SMG1: variants seen among roughly 807,000 people sequenced by gnomAD.
SMG1 encodes the protein serine/threonine-protein kinase SMG1.
Under a neutral mutation model 419.9 loss-of-function variants are expected in SMG1, and 22 were observed. The ratio of observed to expected loss-of-function variants is 0.05; its 90% CI spans 0.04 to 0.07. The LOEUF (loss-of-function observed/expected upper bound fraction) is 0.07, where lower values mean the gene tolerates loss of function less well. SMG1 is among the 10% of genes least tolerant of loss of function. The pLI is 1.00. For synonymous variants in SMG1, 1,538 were observed against 1,553.5 expected, an observed-to-expected ratio of 0.99 and a Z score of 0.23; for missense variants, 3,185 against 4,342.0, an observed-to-expected ratio of 0.73 and a Z score of 7.49.
At chr16:18,895,353 C>A (rs955614841) in intron 3 of SMG1, among the ~76,000 whole-genome samples, 1 of 152,004 alleles carries the variant, frequency 6.6e-6, no homozygotes, top group African/African-American at 2.4e-5. Flanking sequence ...GTGGCATGCA[C>A]CTGTAACCCC....
At chr16:18,925,067 CCAAA>C (rs1244301107) in intron 1 of SMG1, 4 of 152,232 alleles carry the variant, frequency 2.6e-5, no homozygotes, top group East Asian at 3.9e-4. Flanking sequence ...GGGTTAAATT[CCAAA>C]CAGACTCTGA....
intron 42 of SMG1, 44 bp downstream of exon 42, chr16:18,839,654 A>T: frequency 6.2e-7 from 1 of 1,602,978 alleles, no homozygotes; most frequent in East Asian, 2.2e-5. Context: ...GTAGCAGGCA[A>T]AAGAAATACT....
chr16:18,910,532 T>C (rs1439261338), intron 1 of SMG1, among the ~76,000 whole-genome samples: 1 of 151,714 alleles, frequency 6.6e-6, no homozygotes, highest in Non-Finnish European at 1.5e-5. Flanking sequence ...GCCCAGCCAA[T>C]TTTTTTATTT....
At chr16:18,831,339 GCTT>G (rs1230747650) in intron 51 of SMG1, among the ~76,000 whole-genome samples, 1 of 152,102 alleles carries the variant, frequency 6.6e-6, no homozygotes, top group African/African-American at 2.4e-5. Context: ...CCCAAAAAAA[GCTT>G]CTCTGAAACA....
rs765836190 is a variant in SMG1, at chr16:18,807,493, T to A, written c.*2076A>T. The stretch of plus-strand genomic sequence containing the variant: ...TGCGCTAGGTTCCTTAACTTGCTAT[T>A]GGACACATGGGTATTTCAAAAAAAT... On this transcript the variant is annotated 3_prime_UTR_variant, in exon 63 of 63. Transcript: ENST00000446231. The A allele has an allele frequency of 2.0e-5, 3 of 152,186 alleles. No homozygotes were observed. Among genetic ancestry groups the A allele is most frequent in the Non-Finnish European group, 4.4e-5 (3 of 68,024 alleles). The allele number at this position is 152,186 out of a possible 1,614,324, so 9.4% of individuals were successfully genotyped here.
chr16:18,872,144 A>G (rs2035856232), intron 15 of SMG1, 40 bp downstream of exon 15: 4 of 1,209,646 alleles, frequency 3.3e-6, no homozygotes, highest in Non-Finnish European at 4.5e-6. Context: ...AGGCAAATTA[A>G]CAAAGTTAGG....
At chr16:18,886,621 G>A (rs958770922) in intron 6 of SMG1, among the ~76,000 whole-genome samples, 4 of 152,104 alleles carry the variant, frequency 2.6e-5, no homozygotes, top group African/African-American at 9.7e-5. Flanking sequence ...TGGCCAGCAT[G>A]ATGAACTCCG....
Position 18,850,003 on chromosome 16 carries a change from G to C in SMG1, c.5407C>G (p.Leu1803Val), listed in dbSNP as rs770657579. The C allele has an allele frequency of 6.2e-7, 1 of 1,613,988 alleles. No individual in the cohort carries two copies. Among genetic ancestry groups the C allele is most frequent in the Admixed American group, 1.7e-5 (1 of 60,020 alleles). The change falls in exon 35 of 63, where the codon CTT (leucine) becomes GTT (valine). Residue 1803 changes from leucine to valine, a missense_variant. This residue lies in a region of SMG1 where 493 missense variants were observed against 552.9 expected (regional missense o/e 0.89). Transcript: ENST00000446231. ...LRLLVKHAGE[L>V]RQYLEHGLET... Reference sequence around the variant, plus strand: ...AAGCCGTGCTCCAGATACTGCCGAAGCTCACCAGCATGCTTCACGAGCAAC... The same window carrying C: ...AAGCCGTGCTCCAGATACTGCCGAACCTCACCAGCATGCTTCACGAGCAAC...
chr16:18,915,597 C>T (rs2037938187), intron 1 of SMG1, among the ~76,000 whole-genome samples: 1 of 151,976 alleles, frequency 6.6e-6, no homozygotes, highest in South Asian at 2.1e-4. Context: ...CAGATCCATG[C>T]ACATATGCAG....
intron 1 of SMG1, among the ~76,000 whole-genome samples, chr16:18,906,498 T>TGGGGA (rs1272279315): frequency 1.3e-5 from 2 of 151,888 alleles, no homozygotes; most frequent in Non-Finnish European, 2.9e-5. Context: ...CGGGGTGGGG[T>TGGGGA]GGGGAAGATA....
At chr16:18,881,481 A>G (rs990194706) in intron 10 of SMG1, among the ~76,000 whole-genome samples, 6 of 152,230 alleles carry the variant, frequency 3.9e-5, no homozygotes, top group Non-Finnish European at 8.8e-5. Context: ...GCAAAAGTAT[A>G]TGCTCCTAAA....
chr16:18,847,694 G>T, intron 37 of SMG1, 87 bp from the exon 38 acceptor site: 1 of 1,578,110 alleles, frequency 6.3e-7, no homozygotes. Context: ...AGTTAAGTGT[G>T]TGCAATTGGT....
chr16:18,845,393 T>C lies in SMG1; in HGVS notation c.6219+36A>G, dbSNP rs992593721. ...TTCGTATCTCATGGGAACTGTGATG[T>C]GCCATTTCAGTAGCATGCTTGGGAT... On this transcript the variant is annotated intron_variant, in intron 39 of 62. Coordinates refer to ENST00000446231, the MANE Select transcript of SMG1 (RefSeq NM_015092.5). 4 of 1,545,900 alleles carry C rather than the reference T, an allele frequency of 2.6e-6. No individual in the cohort carries two copies. The African/African-American group carries it at 4.1e-5, about 16-fold the overall frequency.
chr16:18,845,524 C>A lies in SMG1; in HGVS notation c.6124G>T (p.Asp2042Tyr), dbSNP rs1219427917. Residue 2042 changes from aspartate (D) to tyrosine (Y), a missense_variant, in exon 39 of 63, where the codon GAT becomes TAT. By Grantham distance (160) the Asp-to-Tyr change is radical. This residue lies in a region of SMG1 where 159 missense variants were observed against 196.0 expected (regional missense o/e 0.81). Coordinates refer to ENST00000446231, the MANE Select transcript of SMG1 (RefSeq NM_015092.5). ...AETPHEKWFQ[D>Y]NYGDAIENAL... ...TTTTCAATGGCATCACCATAGTTAT[C>A]CTGAAACCATTTTTCATGAGGTGTT... 1 of 1,613,864 alleles carries A rather than the reference C, an allele frequency of 6.2e-7. No homozygotes were observed. Among genetic ancestry groups the A allele is most frequent in the Non-Finnish European group, 8.5e-7 (1 of 1,179,872 alleles).
chr16:18,834,250 G>A lies in SMG1; in HGVS notation c.8519C>T (p.Ala2840Val), dbSNP rs374536223. 108 of 1,608,332 alleles carry A rather than the reference G, an allele frequency of 6.7e-5. No individual in the cohort carries two copies. The African/African-American group carries it at 1.3e-3, about 20-fold the overall frequency. The change falls in exon 50 of 63, where the codon GCG becomes GTG. Residue 2840 changes from alanine to valine, a missense_variant. This residue lies in a region of SMG1 where 412 missense variants were observed against 546.6 expected (regional missense o/e 0.75). Coordinates refer to ENST00000446231, the MANE Select transcript of SMG1 (RefSeq NM_015092.5). ...QDLDIPNPMEASETVHLANGV... is the reference protein window; with the variant it reads ...QDLDIPNPMEVSETVHLANGV... ...ATTGGCTAAGTGAACTGTCTCAGAC[G>A]CTTCCATGGGGTTCGGGATATCTAA...
intron 13 of SMG1, chr16:18,875,587 A>G (rs540682802): frequency 0.011 from 1,608 of 151,268 alleles, 13 homozygotes; most frequent in Middle Eastern, 0.017. Flanking sequence ...GTAAAACCCC[A>G]TCTCCAAAAA....
At chr16:18,909,976 A>C (rs2037727614) in intron 1 of SMG1, among the ~76,000 whole-genome samples, 2 of 151,828 alleles carry the variant, frequency 1.3e-5, no homozygotes, top group Non-Finnish European at 2.9e-5. Flanking sequence ...ATTTAAAAGA[A>C]GTAACTTTTA....
chr16:18,826,803 G>A (rs1379708465), intron 55 of SMG1, among the ~76,000 whole-genome samples: 2 of 32,578 alleles, frequency 6.1e-5, no homozygotes, highest in Non-Finnish European at 1.5e-4. Flanking sequence ...CGAGCTTCCC[G>A]GCTGCTTTGT....
intron 62 of SMG1, among the ~76,000 whole-genome samples, chr16:18,811,380 C>T (rs530661384): frequency 6.6e-6 from 1 of 152,166 alleles, no homozygotes; most frequent in Non-Finnish European, 1.5e-5. Context: ...CAAAATGCTT[C>T]GGATTTGGAG....
Sources: gnomAD v4.1 joint callset for allele counts (sites outside exome capture counted in the v4.1 genomes callset) on GRCh38, gnomAD v4.1.1 for gene constraint, gnomAD v4.1.1 regional missense constraint, MANE v1.5 for transcripts, NCBI Gene and HGNC (gene_info 2026-07-23, HGNC 2026-07-21) for gene names.